Variants in MTCL1 observed in about 807,000 individuals in gnomAD.
MTCL1 encodes the protein microtubule cross-linking factor 1.
A neutral mutation model predicts 141.4 loss-of-function variants in MTCL1; 79 were observed. That is an observed-to-expected ratio of 0.56 (90% CI 0.47 to 0.67). The LOEUF (loss-of-function observed/expected upper bound fraction) is 0.67, where lower values mean the gene tolerates loss of function less well. MTCL1 is among the 30% of genes least tolerant of loss of function. The pLI is 0.00. For synonymous variants in MTCL1, 914 were observed against 875.8 expected, an observed-to-expected ratio of 1.04 and a Z score of -0.77; for missense variants, 2,177 against 2,113.9, an observed-to-expected ratio of 1.03 and a Z score of -0.59.
intron 7 of MTCL1, 56 bp from the exon 7 acceptor site, chr18:8,792,942 C>A: frequency 6.2e-7 from 1 of 1,601,576 alleles, no homozygotes; most frequent in South Asian, 1.1e-5. Flanking sequence ...CCTGCGTCGT[C>A]ACCTCAGGCA....
exon 15 of MTCL1, chr18:8,824,969 C>T: frequency 1.2e-6 from 2 of 1,613,524 alleles, no homozygotes; most frequent in Non-Finnish European, 8.5e-7. Context: ...TCCCCGACTC[C>T]TCCTGGTACC....
At chr18:8,802,991 A>G (rs1354051843) in intron 10 of MTCL1, among the ~76,000 whole-genome samples, 1 of 152,184 alleles carries the variant, frequency 6.6e-6, no homozygotes, top group East Asian at 1.9e-4. Flanking sequence ...GATTTGGGTC[A>G]TCTTTTTACC....
chr18:8,736,162 G>A (rs1041909527), intron 4 of MTCL1, among the ~76,000 whole-genome samples: 2 of 152,102 alleles, frequency 1.3e-5, no homozygotes, highest in African/African-American at 4.8e-5. Context: ...TACACCATTA[G>A]GAGAAAGTAA....
intron 11 of MTCL1, among the ~76,000 whole-genome samples, chr18:8,812,674 A>G (rs1457014450): frequency 2.0e-5 from 3 of 152,226 alleles, no homozygotes; most frequent in Non-Finnish European, 1.5e-5. Context: ...ATAGGGACGG[A>G]CATGGTACCT....
intron 4 of MTCL1, among the ~76,000 whole-genome samples, chr18:8,756,513 A>ATG (rs1567984162): frequency 1.4e-5 from 2 of 145,910 alleles, no homozygotes; most frequent in South Asian, 2.1e-4. Flanking sequence ...GTGTATATAT[A>ATG]TGTGTGTATA....
At chr18:8,788,727 C>T (rs57843573) in intron 7 of MTCL1, among the ~76,000 whole-genome samples, 16,589 of 152,222 alleles carry the variant, frequency 0.11, 1,386 homozygotes, top group African/African-American at 0.23. Context: ...GGGAAAGGGG[C>T]GGCCTCTCCA....
chr18:8,742,014 T>G (rs767318306), intron 4 of MTCL1, among the ~76,000 whole-genome samples: 65 of 151,280 alleles, frequency 4.3e-4, no homozygotes, highest in Non-Finnish European at 7.1e-4. Context: ...CCTGCCCTGG[T>G]GTCCTCAGGA....
chr18:8,709,174 C>T (rs958660192), intron 1 of MTCL1, among the ~76,000 whole-genome samples: 3 of 149,960 alleles, frequency 2.0e-5, no homozygotes, highest in African/African-American at 7.3e-5. Flanking sequence ...TTGTTATTTT[C>T]AGGGGTATTT....
intron 7 of MTCL1, chr18:8,789,777 G>A: frequency 1.1e-6 from 1 of 874,672 alleles, no homozygotes; most frequent in South Asian, 5.2e-5. Context: ...GGATTGGGTG[G>A]TAAAGGGAAA....
At chr18:8,815,478 G>A (rs1475942854) in intron 12 of MTCL1, among the ~76,000 whole-genome samples, 3 of 151,932 alleles carry the variant, frequency 2.0e-5, no homozygotes, top group East Asian at 1.9e-4. Context: ...TGTGGGGTGC[G>A]GGGAGGTGGG....
chr18:8,730,101 A>G (rs1291273500), intron 4 of MTCL1, among the ~76,000 whole-genome samples: 5 of 152,148 alleles, frequency 3.3e-5, no homozygotes, highest in African/African-American at 1.2e-4. Context: ...GTCAAAAATC[A>G]GTTGGGCACA....
At chr18:8,707,230 C>G (rs2096063062) in intron 1 of MTCL1, 2 of 152,778 alleles carry the variant, frequency 1.3e-5, no homozygotes, top group Non-Finnish European at 2.9e-5. Context: ...CTCCTGGGCT[C>G]CGACATCCCG....
At chr18:8,790,213 A>C (rs935751684) in intron 7 of MTCL1, among the ~76,000 whole-genome samples, 1 of 152,230 alleles carries the variant, frequency 6.6e-6, no homozygotes, top group Non-Finnish European at 1.5e-5. Flanking sequence ...CTGAAGTATG[A>C]GCTTCATATA....
intron 4 of MTCL1, among the ~76,000 whole-genome samples, chr18:8,765,651 C>T (rs898435122): frequency 2.0e-5 from 3 of 152,212 alleles, no homozygotes; most frequent in Non-Finnish European, 2.9e-5. Context: ...AGCCACTCCT[C>T]CCATGCTTCC....
In MTCL1 at chr18:8,806,967, T is replaced by C. The variant is rs150335263; in HGVS notation, c.2511T>C (p.Asp837=). The change falls in exon 11 of 17, where the codon GAT becomes GAC. Residue 837 remains aspartate, a synonymous_variant. Coordinates refer to ENST00000359865, the Ensembl canonical transcript of MTCL1. The stretch of plus-strand genomic sequence containing the variant: ...ACTTCCGTGCGGAGCTGCGGGAGGA[T>C]GAGCGTGCCCGACTACGGCTGCAGC... 2.1e-4 allele frequency: 340 copies of C among 1,613,804 alleles called. No individual in the cohort carries two copies. In the South Asian group the frequency reaches 3.5e-3, roughly 17 times the overall value.
chr18:8,831,658 C>A (rs1316440620), exon 17 of MTCL1: 1 of 1,550,608 alleles, frequency 6.4e-7, no homozygotes, highest in Non-Finnish European at 8.7e-7. Context: ...CTTCTCCAGG[C>A]CCGAGAGACC....
intron 4 of MTCL1, among the ~76,000 whole-genome samples, chr18:8,731,674 T>G (rs1201348178): frequency 6.6e-6 from 1 of 152,170 alleles, no homozygotes; most frequent in Non-Finnish European, 1.5e-5. Context: ...GCATTGTCTG[T>G]GCTATGGGAA....
Position 8,828,789 on chromosome 18 carries a change from CGA to C in MTCL1, c.4723-115_4723-114del. On this transcript the variant is annotated intron_variant, in intron 15 of 16. Coordinates refer to ENST00000359865, the Ensembl canonical transcript of MTCL1. The surrounding 1 kb of genome is among the most constrained non-coding windows in gnomAD (Gnocchi z 5.2). ...GTCTCTCCTGGTGGCTACCCCTGAG[CGA>C]GAGGGATGGTCCTCTACCTCCGGGC... 1 of 1,517,488 alleles carries C rather than the reference CGA, an allele frequency of 6.6e-7. No homozygotes were observed. The highest frequency in any genetic ancestry group is 8.9e-7 in the Non-Finnish European group (1 of 1,125,988). 94.0% of individuals were successfully genotyped at this position (1,517,488 alleles called of 1,614,324 possible). A position where few individuals can be genotyped will look rare whatever the true frequency, so the allele number is the denominator to read the frequency against.
At chr18:8,783,272 A>G (rs2096538824) in intron 5 of MTCL1, among the ~76,000 whole-genome samples, 1 of 149,938 alleles carries the variant, frequency 6.7e-6, no homozygotes, top group South Asian at 2.1e-4. Flanking sequence ...TTTTTTTTCC[A>G]AACTAATTTT....
Sources: gnomAD v4.1 joint callset for allele counts (sites outside exome capture counted in the v4.1 genomes callset) on GRCh38, gnomAD v4.1.1 for gene constraint, Gnocchi (gnomAD v3.1) non-coding constraint, MANE v1.5 for transcripts, NCBI Gene and HGNC (gene_info 2026-07-23, HGNC 2026-07-21) for gene names.